The following TECPR2 variants were observed in gnomAD, a reference collection of about 807,000 sequenced individuals.
The protein encoded by TECPR2 is tectonin beta-propeller repeat-containing protein 2.
Under a neutral mutation model 138.1 loss-of-function variants are expected in TECPR2, and 65 were observed. That is an observed-to-expected ratio of 0.47 (90% CI 0.39 to 0.58). The LOEUF (loss-of-function observed/expected upper bound fraction) is 0.58, where lower values mean the gene tolerates loss of function less well. TECPR2 is among the 20% of genes least tolerant of loss of function. The pLI is 0.00. For synonymous variants in TECPR2, 746 were observed against 749.8 expected, an observed-to-expected ratio of 0.99 and a Z score of 0.08; for missense variants, 1,553 against 1,824.5, an observed-to-expected ratio of 0.85 and a Z score of 2.71.
chr14:102,385,705 G>A (rs746210770), intron 2 of TECPR2, among the ~76,000 whole-genome samples: 2 of 151,380 alleles, frequency 1.3e-5, no homozygotes, highest in African/African-American at 4.9e-5. Context: ...AGGCCGAGGC[G>A]GACAGATAGC....
chr14:102,440,890 A>G (rs545375017), intron 11 of TECPR2, among the ~76,000 whole-genome samples: 2 of 152,214 alleles, frequency 1.3e-5, no homozygotes, highest in African/African-American at 4.8e-5. Context: ...CAACCACCGC[A>G]TATCACGTAT....
chr14:102,424,239 T>C (rs988453502), intron 5 of TECPR2, among the ~76,000 whole-genome samples: 1 of 152,214 alleles, frequency 6.6e-6, no homozygotes, highest in Non-Finnish European at 1.5e-5. Context: ...TAAGTAATTG[T>C]ATGTCTAAAC....
intron 1 of TECPR2, among the ~76,000 whole-genome samples, chr14:102,372,921 A>T (rs1323381165): frequency 6.6e-6 from 1 of 152,212 alleles, no homozygotes; most frequent in East Asian, 1.9e-4. Flanking sequence ...CTCAAAAAAA[A>T]AAGCAACTTT....
At chr14:102,475,712 A>G (rs1034839931) in intron 17 of TECPR2, among the ~76,000 whole-genome samples, 2 of 152,116 alleles carry the variant, frequency 1.3e-5, no homozygotes, top group Non-Finnish European at 2.9e-5. Context: ...CACATGGGCA[A>G]CCAATTAACA....
intron 7 of TECPR2, among the ~76,000 whole-genome samples, chr14:102,429,100 G>A (rs1595120212): frequency 6.6e-6 from 1 of 152,128 alleles, no homozygotes; most frequent in Admixed American, 6.5e-5. Flanking sequence ...GCCTGCCTCC[G>A]CCTCCCAAAG....
chr14:102,404,415 TTAAAAC>T (rs772741892), intron 2 of TECPR2, among the ~76,000 whole-genome samples: 5 of 152,062 alleles, frequency 3.3e-5, no homozygotes. Context: ...CTTCCTGAAC[TTAAAAC>T]TTAACTGCAA....
intron 2 of TECPR2, among the ~76,000 whole-genome samples, chr14:102,393,275 G>A (rs1009359296): frequency 6.6e-6 from 1 of 152,170 alleles, no homozygotes; most frequent in Non-Finnish European, 1.5e-5. Context: ...AGCATTGCCA[G>A]GTGTTTGGAG....
Position 102,434,625 on chromosome 14 carries a change from C to T in TECPR2, c.1808C>T (p.Pro603Leu), listed in dbSNP as rs766945499. 6.9e-6 allele frequency: 11 copies of T among 1,589,240 alleles called. No individual in the cohort carries two copies. The highest frequency in any genetic ancestry group is 9.5e-6 in the Non-Finnish European group (11 of 1,163,966). ...DVTGLGDEPC[P>L]ADDGPNSTQL... ...ACGGGACTCGGAGATGAGCCGTGTCCTGCAGATGATGGACCAAATAGCACA... is the reference window on the plus strand; with the variant it reads ...ACGGGACTCGGAGATGAGCCGTGTCTTGCAGATGATGGACCAAATAGCACA... The change falls in exon 9 of 20, where the codon CCT (proline) becomes CTT (leucine). Residue 603 changes from proline to leucine, a missense_variant. Pro to Leu is a moderately conservative substitution (Grantham distance 98, BLOSUM62 -3). Transcript: ENST00000359520.
chr14:102,449,983 G>A, intron 14 of TECPR2, 114 bp downstream of exon 14: 1 of 1,477,638 alleles, frequency 6.8e-7, no homozygotes. Flanking sequence ...AGTGCCAGTG[G>A]TATGAAGTGT....
intron 17 of TECPR2, among the ~76,000 whole-genome samples, chr14:102,485,442 C>G (rs1221189309): frequency 6.6e-6 from 1 of 152,102 alleles, no homozygotes; most frequent in African/African-American, 2.4e-5. Context: ...TTTGAGCTCT[C>G]TTCTTCAAAA....
intron 2 of TECPR2, among the ~76,000 whole-genome samples, chr14:102,391,982 T>TTTTTG (rs553999170): frequency 5.9e-5 from 9 of 152,078 alleles, no homozygotes; most frequent in Admixed American, 2.0e-4. Flanking sequence ...TTTTGTTTGT[T>TTTTTG]TTTTGTTTTG....
At chr14:102,467,686 T>C (rs1002837996) in intron 17 of TECPR2, among the ~76,000 whole-genome samples, 1 of 152,196 alleles carries the variant, frequency 6.6e-6, no homozygotes, top group Non-Finnish European at 1.5e-5. Context: ...ATATGTCTAA[T>C]TTTTTAATAC....
intron 4 of TECPR2, among the ~76,000 whole-genome samples, chr14:102,409,551 G>A (rs887469173): frequency 3.9e-5 from 6 of 152,024 alleles, no homozygotes; most frequent in African/African-American, 9.7e-5. Context: ...TGCCTGCCTC[G>A]GCCTTCCAAA....
intron 17 of TECPR2, among the ~76,000 whole-genome samples, chr14:102,493,345 C>A (rs921385464): frequency 6.6e-6 from 1 of 152,146 alleles, no homozygotes; most frequent in East Asian, 1.9e-4. Context: ...GTGGGGAAGG[C>A]GGGAGCCTGG....
At chr14:102,397,997 C>T (rs1212432144) in intron 2 of TECPR2, among the ~76,000 whole-genome samples, 3 of 140,348 alleles carry the variant, frequency 2.1e-5, no homozygotes, top group Non-Finnish European at 3.0e-5. Flanking sequence ...CACTTGTACC[C>T]GGGAGATGGA....
At chr14:102,375,609 AC>A (rs1044127561) in intron 1 of TECPR2, among the ~76,000 whole-genome samples, 32 of 152,126 alleles carry the variant, frequency 2.1e-4, no homozygotes, top group Admixed American at 2.0e-3. Flanking sequence ...TAGAAAACCT[AC>A]AGTTCAAAGA....
chr14:102,435,083 G>A lies in TECPR2; in HGVS notation c.2266G>A (p.Asp756Asn). The A allele has an allele frequency of 6.2e-7, 1 of 1,613,962 alleles. No individual in the cohort carries two copies. The highest frequency in any genetic ancestry group is 8.5e-7 in the Non-Finnish European group (1 of 1,180,038). ...DQTLTSSDEE[D>N]IYAHGLPSSS... ...GACATTGACGTCCAGCGATGAGGAGGACATCTATGCCCACGGGCTTCCTTC... is the reference window on the plus strand; with the variant it reads ...GACATTGACGTCCAGCGATGAGGAGAACATCTATGCCCACGGGCTTCCTTC... The change falls in exon 9 of 20, where the codon GAC (aspartate) becomes AAC (asparagine). Residue 756 changes from aspartate (D) to asparagine (N), a missense_variant. Transcript: ENST00000359520.
chr14:102,401,754 G>C (rs189026798), intron 2 of TECPR2, among the ~76,000 whole-genome samples: 2 of 126,470 alleles, frequency 1.6e-5, no homozygotes, highest in Non-Finnish European at 3.1e-5. Context: ...GCAGTGAGCC[G>C]AGATCGCACC....
At chr14:102,388,565 A>G (rs945859083) in intron 2 of TECPR2, among the ~76,000 whole-genome samples, 2 of 152,088 alleles carry the variant, frequency 1.3e-5, no homozygotes, top group Non-Finnish European at 2.9e-5. Context: ...GCAGTGGCTC[A>G]CGCCTGTTAA....
Sources: allele counts gnomAD v4.1 joint callset (sites outside exome capture counted in the v4.1 genomes callset), GRCh38; gene constraint gnomAD v4.1.1; transcripts MANE v1.5; gene names NCBI Gene and HGNC (gene_info 2026-07-23, HGNC 2026-07-21).